KAZN: variants seen among roughly 807,000 people sequenced by gnomAD.
KAZN encodes kazrin, periplakin interacting protein, also known as kazrin.
In KAZN, 40 loss-of-function variants were observed where a neutral mutation model predicts 87.4. The observed-to-expected ratio is 0.46, with a 90% CI of 0.36 to 0.60. The LOEUF (loss-of-function observed/expected upper bound fraction) is 0.60, where lower values mean the gene tolerates loss of function less well. Ranked by LOEUF, KAZN falls within the 20% of genes least tolerant of loss-of-function variation. KAZN has a pLI of 0.00. For synonymous variants in KAZN, 466 were observed against 458.3 expected (o/e 1.02, Z -0.22); for missense variants, 898 against 1,073.9 (o/e 0.84, Z 2.29).
At chr1:14,868,749 T>G (rs1277596376) in intron 1 of KAZN, among the ~76,000 whole-genome samples, 2 of 151,296 alleles carry the variant, frequency 1.3e-5, no homozygotes, top group Non-Finnish European at 2.9e-5. Flanking sequence ...GAGGCTGGGG[T>G]GGGGGGATCT....
rs115068875 is a variant in KAZN, at chr1:14,532,226, T to C, written c.250-66757T>C. Among the ~76,000 whole-genome samples, 658 of 152,112 alleles carry C rather than the reference T, an allele frequency of 4.3e-3. 7 individuals carry two copies. The highest frequency in any genetic ancestry group is 0.014 in the African/African-American group (585 of 41,520). ...GTCACAGCTCAGCTACTAGAAACAA[T>C]GTCCCATCCACCCCCTCCAAAGCCC... On this transcript the variant is annotated intron_variant, in intron 2 of 16. Coordinates refer to the KAZN transcript ENST00000636203.
chr1:14,145,960 T>A (rs976857135), intron 1 of KAZN, among the ~76,000 whole-genome samples: 3 of 149,816 alleles, frequency 2.0e-5, no homozygotes, highest in Admixed American at 1.3e-4. Flanking sequence ...ACATTTCCTT[T>A]TTTTTCTTTA....
At chr1:14,763,087 T>C (rs1226299371) in intron 1 of KAZN, among the ~76,000 whole-genome samples, 1 of 152,204 alleles carries the variant, frequency 6.6e-6, no homozygotes, top group Non-Finnish European at 1.5e-5. Context: ...AGGATGGCTG[T>C]TGAGTAGCTC....
At chr1:14,795,425 G>A (rs1229761399) in intron 1 of KAZN, among the ~76,000 whole-genome samples, 3 of 152,124 alleles carry the variant, frequency 2.0e-5, no homozygotes, top group Non-Finnish European at 4.4e-5. Context: ...GGTACTTGTC[G>A]ATATGGATGG....
At chr1:14,505,760 A>T (rs185741555) in intron 2 of KAZN, among the ~76,000 whole-genome samples, 73 of 152,194 alleles carry the variant, frequency 4.8e-4, no homozygotes, top group Non-Finnish European at 8.5e-4. Context: ...GATTGCCTGA[A>T]CTCAGGAGTT....
At chr1:14,950,601 G>T (rs1391570343) in intron 1 of KAZN, among the ~76,000 whole-genome samples, 2 of 152,168 alleles carry the variant, frequency 1.3e-5, no homozygotes, top group Non-Finnish European at 2.9e-5. Context: ...GACGCTGCGA[G>T]CTGAGTTTCC....
intron 2 of KAZN, among the ~76,000 whole-genome samples, chr1:14,401,356 A>G (rs1480248534): frequency 5.9e-5 from 9 of 151,840 alleles, no homozygotes; most frequent in Admixed American, 5.9e-4. Context: ...TAGTTTTAGG[A>G]AACTGCTGAT....
chr1:14,410,268 T>C (rs897806104), intron 2 of KAZN, among the ~76,000 whole-genome samples: 1 of 152,208 alleles, frequency 6.6e-6, no homozygotes, highest in East Asian at 1.9e-4. Flanking sequence ...GATGCCCAGC[T>C]AATCTTTGTA....
rs762167350 is a variant in KAZN at position 15,023,203 on chromosome 1, T to C, written c.419-11546T>C. On this transcript the variant is annotated intron_variant, in intron 2 of 14. Transcript: ENST00000376030. Reference sequence around the variant, plus strand: ...CTTAGAAATCCAGGAACAAGCTGCATTGAATTCTCAGCAGGTTATGGGGTA... The same window carrying C: ...CTTAGAAATCCAGGAACAAGCTGCACTGAATTCTCAGCAGGTTATGGGGTA... 2.2e-4 allele frequency among the ~76,000 whole-genome samples: 34 copies of C among 152,264 alleles called. 1 individual carries two copies. Among genetic ancestry groups the C allele is most frequent in the Admixed American group, 1.4e-3 (21 of 15,286 alleles).
chr1:13,902,240 T>C (rs1463780712), intron 1 of KAZN, among the ~76,000 whole-genome samples: 2 of 152,220 alleles, frequency 1.3e-5, no homozygotes, highest in Admixed American at 1.3e-4. Context: ...CTTGGTTCTT[T>C]CTTCTGAAAG....
chr1:14,829,473 G>A (rs1163666358), intron 1 of KAZN, among the ~76,000 whole-genome samples: 3 of 152,196 alleles, frequency 2.0e-5, no homozygotes, highest in African/African-American at 7.2e-5. Flanking sequence ...GGGAGGCTGA[G>A]GCAGGAGGAT....
At chr1:14,087,195 T>C (rs945213093) in intron 1 of KAZN, among the ~76,000 whole-genome samples, 9 of 152,188 alleles carry the variant, frequency 5.9e-5, no homozygotes, top group Admixed American at 4.6e-4. Context: ...TGTACAGGTC[T>C]TGCACTTAAA....
intron 4 of KAZN, among the ~76,000 whole-genome samples, chr1:15,047,623 C>T (rs4661568): frequency 0.27 from 41,510 of 152,028 alleles, 7,426 homozygotes; most frequent in East Asian, 0.79. Flanking sequence ...ATACAAAAAT[C>T]AGCTAGATGT....
intron 1 of KAZN, among the ~76,000 whole-genome samples, chr1:14,874,983 G>C (rs1012870050): frequency 1.3e-5 from 2 of 152,054 alleles, no homozygotes; most frequent in African/African-American, 4.8e-5. Context: ...TGCAAGTGGG[G>C]GTCCCTGGAG....
chr1:14,818,856 A>G (rs968210268), intron 1 of KAZN, among the ~76,000 whole-genome samples: 1 of 152,150 alleles, frequency 6.6e-6, no homozygotes, highest in African/African-American at 2.4e-5. Flanking sequence ...GCAGTTCAAG[A>G]CCAGCCTAGC....
intron 2 of KAZN, among the ~76,000 whole-genome samples, chr1:14,234,670 G>C (rs920183367): frequency 6.6e-6 from 1 of 152,166 alleles, no homozygotes; most frequent in African/African-American, 2.4e-5. Flanking sequence ...GGTTGAAGTG[G>C]GTGGAGCATG....
chr1:14,291,726 G>T (rs1431553188), intron 2 of KAZN, among the ~76,000 whole-genome samples: 1 of 152,194 alleles, frequency 6.6e-6, no homozygotes, highest in South Asian at 2.1e-4. Flanking sequence ...GATGAACCAG[G>T]TACCTCAGTT....
chr1:14,057,140 G>GTT (rs753158003), intron 1 of KAZN, among the ~76,000 whole-genome samples: 4 of 141,790 alleles, frequency 2.8e-5, no homozygotes, highest in South Asian at 2.2e-4. Flanking sequence ...TTGTTTGTTT[G>GTT]TTTTTTTTTT....
chr1:14,086,873 A>G (rs950991668), intron 1 of KAZN, among the ~76,000 whole-genome samples: 35 of 152,224 alleles, frequency 2.3e-4, no homozygotes, highest in Non-Finnish European at 4.7e-4. Context: ...TGCGTGGGTC[A>G]ATTTGTAGAC....
Sources: gnomAD v4.1 joint callset for allele counts (sites outside exome capture counted in the v4.1 genomes callset) on GRCh38, gnomAD v4.1.1 for gene constraint, MANE v1.5 for transcripts, NCBI Gene and HGNC (gene_info 2026-07-23, HGNC 2026-07-21) for gene names.